Variants in EMC8 observed in about 807,000 individuals in gnomAD.
EMC8 encodes COX4 neighbor.
A neutral mutation model predicts 24.3 loss-of-function variants in EMC8; 11 were observed. The observed-to-expected ratio is 0.45, with a 90% confidence interval of 0.28 to 0.75. The LOEUF is 0.75. Ranked by LOEUF, EMC8 falls within the 30% of genes least tolerant of loss-of-function variation. EMC8 has a pLI of 0.12. For missense variants in EMC8, 277 were observed against 282.7 expected (o/e 0.98, Z 0.14); for synonymous variants, 145 against 117.7 (o/e 1.23, Z -1.50).
chr16:85,783,119 A>G (rs1237080291), intron 2 of EMC8, among the ~76,000 whole-genome samples: 1 of 152,310 alleles, frequency 6.6e-6, no homozygotes, highest in Admixed American at 6.5e-5. Context: ...CCTGGCCAAC[A>G]TGGTGAAACC....
intron 2 of EMC8, among the ~76,000 whole-genome samples, chr16:85,783,027 C>T (rs896178470): frequency 1.3e-5 from 2 of 152,218 alleles, no homozygotes; most frequent in African/African-American, 4.8e-5. Flanking sequence ...CGGCTGGGTG[C>T]AGTGGCTCAC....
At chr16:85,780,717 C>A (rs1904451579) in intron 3 of EMC8, 2 of 550,972 alleles carry the variant, frequency 3.6e-6, no homozygotes, top group Admixed American at 6.2e-5. Flanking sequence ...TGACTTCTTC[C>A]CTCATCCTAG....
intron 1 of EMC8, among the ~76,000 whole-genome samples, chr16:85,791,520 C>A (rs1038430950): frequency 4.6e-5 from 7 of 152,166 alleles, no homozygotes; most frequent in Admixed American, 1.3e-4. Context: ...TCCCTGTGTC[C>A]ATGTGTTCTC....
rs768360785 is a variant in EMC8 at position 85,799,299 on chromosome 16, G to A, written c.-4C>T. The A allele has an allele frequency of 1.4e-5, 23 of 1,588,848 alleles. No homozygotes were observed. The highest frequency in any genetic ancestry group is 2.3e-5 in the East Asian group (1 of 43,960). On this transcript the variant is annotated 5_prime_UTR_variant, in exon 1 of 5. Transcript: ENST00000253457. This position sits in a 1 kb window ranked among gnomAD's most constrained non-coding sequence, Gnocchi z 4.2. Reference sequence around the variant, plus strand: ...TGGTCAGTTTCACCCCGGGCATGCTGACCCGGGAGGGCCCCGGAGGCCCCT... The same window carrying A: ...TGGTCAGTTTCACCCCGGGCATGCTAACCCGGGAGGGCCCCGGAGGCCCCT...
intron 1 of EMC8, among the ~76,000 whole-genome samples, chr16:85,791,365 A>C (rs778470513): frequency 6.6e-6 from 1 of 152,090 alleles, no homozygotes; most frequent in African/African-American, 2.4e-5. Context: ...GGTTTGTTAC[A>C]TAGGTATCCA....
At chr16:85,788,242 C>T (rs1254482814) in intron 2 of EMC8, among the ~76,000 whole-genome samples, 1 of 152,272 alleles carries the variant, frequency 6.6e-6, no homozygotes, top group Non-Finnish European at 1.5e-5. Flanking sequence ...GCCACCTGCC[C>T]AAGGGCACTG....
chr16:85,788,135 G>A (rs1433871545), intron 2 of EMC8, among the ~76,000 whole-genome samples: 1 of 152,220 alleles, frequency 6.6e-6, no homozygotes, highest in Non-Finnish European at 1.5e-5. Flanking sequence ...CTGGCTTCTG[G>A]CTCGGTTCAG....
intron 1 of EMC8, chr16:85,792,719 T>C (rs1264559332): frequency 6.6e-6 from 1 of 152,206 alleles, no homozygotes; most frequent in Non-Finnish European, 1.5e-5. Context: ...AAATGGCTCC[T>C]GCATGAAAAG....
intron 3 of EMC8, 193 bp downstream of exon 3, chr16:85,781,018 G>A: frequency 1.7e-6 from 1 of 585,634 alleles, no homozygotes; most frequent in Admixed American, 3.0e-5. Flanking sequence ...CTTGTGTAGT[G>A]ATGCGGAAGC....
chr16:85,796,000 G>T (rs1039869978), intron 1 of EMC8, among the ~76,000 whole-genome samples: 1 of 152,154 alleles, frequency 6.6e-6, no homozygotes, highest in Non-Finnish European at 1.5e-5. Context: ...GGTGAGAGCA[G>T]AGGACACACG....
chr16:85,782,488 C>G (rs74032010), intron 2 of EMC8, among the ~76,000 whole-genome samples: 1,798 of 152,304 alleles, frequency 0.012, 35 homozygotes, highest in African/African-American at 0.041. Context: ...TATATTCTTT[C>G]TGTGCCCAAG....
chr16:85,784,119 C>T (rs527614258), intron 2 of EMC8, among the ~76,000 whole-genome samples: 68 of 152,324 alleles, frequency 4.5e-4, no homozygotes, highest in African/African-American at 1.5e-3. Flanking sequence ...CTGCCTCAGC[C>T]TCCCAAGTAG....
intron 2 of EMC8, among the ~76,000 whole-genome samples, chr16:85,782,199 T>G (rs913832782): frequency 6.6e-5 from 10 of 152,210 alleles, no homozygotes; most frequent in Non-Finnish European, 1.3e-4. Context: ...GCAAAGCAGC[T>G]TGTCCACTGT....
intron 2 of EMC8, among the ~76,000 whole-genome samples, chr16:85,783,676 A>G (rs1444250321): frequency 6.6e-6 from 1 of 152,196 alleles, no homozygotes; most frequent in East Asian, 1.9e-4. Context: ...TGTGTCTTCA[A>G]TGTCAGGAAA....
chr16:85,783,187 C>T (rs1210525298), intron 2 of EMC8, among the ~76,000 whole-genome samples: 9 of 152,194 alleles, frequency 5.9e-5, no homozygotes, highest in Non-Finnish European at 1.3e-4. Context: ...TCTGTAGACC[C>T]AGCTACTCCG....
chr16:85,796,955 C>T (rs1905262872), intron 1 of EMC8, among the ~76,000 whole-genome samples: 1 of 152,336 alleles, frequency 6.6e-6, no homozygotes, highest in East Asian at 1.9e-4. Context: ...TCATCCACAG[C>T]CATATCCCTC....
At chr16:85,782,047 G>C (rs1466165643) in intron 2 of EMC8, 1 of 152,344 alleles carries the variant, frequency 6.6e-6, no homozygotes, top group African/African-American at 2.4e-5. Flanking sequence ...CGGGGATCTT[G>C]AGAGAGCATC....
rs1904366115 is a variant in EMC8 at position 85,778,957 on chromosome 16, C to T, written c.*751G>A. The T allele has an allele frequency of 6.6e-6, 1 of 152,186 alleles. No individual in the cohort carries two copies. Among genetic ancestry groups the T allele is most frequent in the Non-Finnish European group, 1.5e-5 (1 of 68,032 alleles). The allele number at this position is 152,186 out of a possible 1,614,324, so 9.4% of individuals were successfully genotyped here. A position where few individuals can be genotyped will look rare whatever the true frequency, so the allele number is the denominator to read the frequency against. On this transcript the variant is annotated 3_prime_UTR_variant, in exon 5 of 5. Coordinates refer to ENST00000253457, the MANE Select transcript of EMC8 (RefSeq NM_006067.5). The stretch of plus-strand genomic sequence containing the variant: ...CTCGGGAAGTCTAAGTCTTGTTTTT[C>T]CTAATACAAAAGAAACGATCATTTC...
chr16:85,790,699 C>T (rs1597206321), intron 1 of EMC8, among the ~76,000 whole-genome samples: 1 of 152,184 alleles, frequency 6.6e-6, no homozygotes, highest in Non-Finnish European at 1.5e-5. Flanking sequence ...TAAGGTGACC[C>T]ACATCTCTGC....
Sources: gnomAD v4.1 joint callset for allele counts (sites outside exome capture counted in the v4.1 genomes callset) on GRCh38, gnomAD v4.1.1 for gene constraint, Gnocchi (gnomAD v3.1) non-coding constraint, MANE v1.5 for transcripts, NCBI Gene and HGNC (gene_info 2026-07-23, HGNC 2026-07-21) for gene names.